TYW1: variants seen among roughly 807,000 people sequenced by gnomAD.
TYW1 encodes tRNA-yW synthesizing protein 1 homolog.
A neutral mutation model predicts 96.2 loss-of-function variants in TYW1; 46 were observed. The ratio of observed to expected loss-of-function variants is 0.48; its 90% confidence interval spans 0.38 to 0.61. The LOEUF (loss-of-function observed/expected upper bound fraction) is 0.61, where lower values mean the gene tolerates loss of function less well. TYW1 is among the 20% of genes least tolerant of loss of function. TYW1 has a pLI of 0.00. For missense variants in TYW1, 684 were observed against 909.6 expected (o/e 0.75, Z 3.19); for synonymous variants, 274 against 323.0 (o/e 0.85, Z 1.63).
intron 1 of TYW1, 137 bp downstream of exon 1, chr7:66,997,119 C>T: frequency 1.3e-6 from 2 of 1,509,914 alleles, no homozygotes; most frequent in African/African-American, 1.4e-5. Context: ...GGCTAGTCGC[C>T]GCTGAGAGCA....
At chr7:67,142,000 A>C (rs7794130) in intron 13 of TYW1, among the ~76,000 whole-genome samples, 39,522 of 152,180 alleles carry the variant, frequency 0.26, 5,624 homozygotes, top group African/African-American at 0.38. Flanking sequence ...ATGCCATTGC[A>C]TTCCAGCCTG....
At chr7:67,219,813 T>C (rs902858472) in intron 15 of TYW1, among the ~76,000 whole-genome samples, 32 of 151,472 alleles carry the variant, frequency 2.1e-4, no homozygotes, top group Non-Finnish European at 4.1e-4. Flanking sequence ...ATTTTGTTGA[T>C]CTTTTAAAAG....
At chr7:67,129,550 GA>G (rs1798000732) in intron 13 of TYW1, among the ~76,000 whole-genome samples, 1 of 152,170 alleles carries the variant, frequency 6.6e-6, no homozygotes, top group African/African-American at 2.4e-5. Flanking sequence ...CAATTATGGG[GA>G]CAGCAGGTTT....
At position 67,238,759 on chromosome 7, in the gene TYW1, T is replaced by C; in HGVS notation, c.*230T>C. ...TCAGCCCCTTTCCTGATTTTACTTCTAAGAGGAAAATTATTTTGGGGAGGA... is the reference window on the plus strand; with the variant it reads ...TCAGCCCCTTTCCTGATTTTACTTCCAAGAGGAAAATTATTTTGGGGAGGA... On this transcript the variant is annotated 3_prime_UTR_variant, in exon 16 of 16. Transcript: ENST00000359626. 5 of 1,361,774 alleles carry C rather than the reference T, an allele frequency of 3.7e-6. No homozygotes were observed. Among genetic ancestry groups the C allele is most frequent in the Non-Finnish European group, 2.8e-6 (3 of 1,054,532 alleles). 84.4% of individuals were successfully genotyped at this position (1,361,774 alleles called of 1,614,324 possible).
chr7:67,081,127 C>T (rs1584537012), intron 10 of TYW1, among the ~76,000 whole-genome samples: 1 of 150,958 alleles, frequency 6.6e-6, no homozygotes, highest in African/African-American at 2.4e-5. Flanking sequence ...TCTTGTAAGG[C>T]CAGTCTAGTG....
rs1253683180 is a variant in TYW1, at chr7:67,051,733, T to G, written c.1102+1667T>G. On this transcript the variant is annotated intron_variant, in intron 8 of 15. Transcript: ENST00000359626. Reference sequence around the variant, plus strand: ...CTGAAGGACTGTTTTTGTTTTTTTGTTTTTTTTTTTTTTTCTAATTTAAGC... The same window carrying G: ...CTGAAGGACTGTTTTTGTTTTTTTGGTTTTTTTTTTTTTTCTAATTTAAGC... Among the ~76,000 whole-genome samples the G allele has an allele frequency of 4.9e-5, 3 of 61,452 alleles. No individual in the cohort carries two copies. The South Asian group carries it at 1.3e-3, about 27-fold the overall frequency. 40.3% of individuals were successfully genotyped at this position (61,452 alleles called of 152,430 possible). A position where few individuals can be genotyped will look rare whatever the true frequency, so the allele number is the denominator to read the frequency against.
intron 15 of TYW1, 80 bp from the exon 16 acceptor site, chr7:67,238,228 T>G: frequency 1.3e-6 from 2 of 1,573,112 alleles, no homozygotes; most frequent in South Asian, 2.4e-5. Context: ...AGATCAGACT[T>G]GTTCATGATT....
At chr7:67,183,671 G>T (rs1799911717) in intron 14 of TYW1, among the ~76,000 whole-genome samples, 1 of 150,936 alleles carries the variant, frequency 6.6e-6, no homozygotes, top group South Asian at 2.1e-4. Context: ...TCATGACCCA[G>T]AGTTGTTTCA....
At chr7:67,060,141 T>G (rs1795652682) in intron 9 of TYW1, among the ~76,000 whole-genome samples, 1 of 151,928 alleles carries the variant, frequency 6.6e-6, no homozygotes. Context: ...AGTGGCGTGA[T>G]CTTGGCTTAC....
chr7:67,213,286 C>T (rs7792302), intron 15 of TYW1, among the ~76,000 whole-genome samples: 1 of 151,858 alleles, frequency 6.6e-6, no homozygotes, highest in Non-Finnish European at 1.5e-5. Flanking sequence ...TCCCACCTCA[C>T]TCTCTTAAGT....
At chr7:67,067,151 C>A (rs1237447021) in intron 9 of TYW1, 134 bp from the exon 10 acceptor site, 63 of 1,008,900 alleles carry the variant, frequency 6.2e-5, no homozygotes, top group Non-Finnish European at 9.0e-5. Flanking sequence ...ATGCGAATTT[C>A]CTGCGTCATG....
intron 10 of TYW1, among the ~76,000 whole-genome samples, chr7:67,068,313 C>T (rs1198500272): frequency 6.6e-6 from 1 of 152,176 alleles, no homozygotes; most frequent in Non-Finnish European, 1.5e-5. Flanking sequence ...TGAGCCACCG[C>T]ACCCAGCCTA....
intron 8 of TYW1, among the ~76,000 whole-genome samples, chr7:67,055,538 G>T (rs1795480006): frequency 6.6e-6 from 1 of 151,324 alleles, no homozygotes; most frequent in Non-Finnish European, 1.5e-5. Flanking sequence ...GGCAGAGGCT[G>T]CAGTGAGCTG....
chr7:67,057,675 A>G (rs1267829526), intron 9 of TYW1, among the ~76,000 whole-genome samples: 4 of 151,904 alleles, frequency 2.6e-5, no homozygotes, highest in Non-Finnish European at 4.4e-5. Flanking sequence ...CCAGCCAAGA[A>G]CATCTTGTGT....
At chr7:67,139,926 A>T (rs569706033) in intron 13 of TYW1, among the ~76,000 whole-genome samples, 1 of 152,122 alleles carries the variant, frequency 6.6e-6, no homozygotes, top group Non-Finnish European at 1.5e-5. Context: ...GTCCATTTTC[A>T]TGCTGCTGAT....
intron 13 of TYW1, among the ~76,000 whole-genome samples, chr7:67,119,765 A>G (rs960530364): frequency 6.6e-6 from 1 of 152,012 alleles, no homozygotes; most frequent in African/African-American, 2.4e-5. Context: ...CTAGCATAGT[A>G]CACTTTAAGG....
chr7:67,148,137 G>A (rs1798665645), intron 13 of TYW1, among the ~76,000 whole-genome samples: 1 of 151,514 alleles, frequency 6.6e-6, no homozygotes, highest in Non-Finnish European at 1.5e-5. Flanking sequence ...TGAGGGGAGG[G>A]TTATTGGTCT....
chr7:67,163,476 C>G (rs1196923904), intron 13 of TYW1, among the ~76,000 whole-genome samples: 1 of 152,038 alleles, frequency 6.6e-6, no homozygotes, highest in Non-Finnish European at 1.5e-5. Flanking sequence ...GCACACTAAC[C>G]AAGTTGCCGG....
chr7:67,004,354 G>A (rs1793498602), intron 3 of TYW1, among the ~76,000 whole-genome samples: 1 of 152,056 alleles, frequency 6.6e-6, no homozygotes, highest in South Asian at 2.1e-4. Context: ...CCTGGGGGAG[G>A]GGTGAGTGAG....
Sources: allele counts gnomAD v4.1 joint callset (sites outside exome capture counted in the v4.1 genomes callset), GRCh38; gene constraint gnomAD v4.1.1; transcripts MANE v1.5; gene names NCBI Gene and HGNC (gene_info 2026-07-23, HGNC 2026-07-21).